The following SAMD11 variants were observed in gnomAD, a reference collection of about 807,000 sequenced individuals.
The protein encoded by SAMD11 is sterile alpha motif domain-containing protein 11.
Under a neutral mutation model 64.4 loss-of-function variants are expected in SAMD11, and 77 were observed. The observed-to-expected ratio is 1.20, with a 90% confidence interval of 0.99 to 1.44. The LOEUF (loss-of-function observed/expected upper bound fraction) is 1.44, where lower values mean the gene tolerates loss of function less well. Among genes scored for constraint, SAMD11 ranks in the 40% most tolerant of loss-of-function variants. The probability of loss-of-function intolerance (pLI) is 0.00; values close to 1 mark genes in which losing one functional copy is unlikely to be tolerated. For synonymous variants in SAMD11, 658 were observed against 421.9 expected, an observed-to-expected ratio of 1.56 and a Z score of -6.86; for missense variants, 1,402 against 943.3, an observed-to-expected ratio of 1.49 and a Z score of -6.37.
Position 942,032 on chromosome 1 carries a change from C to G in SAMD11, c.1359-104C>G, listed in dbSNP as rs1569912468. The G allele has an allele frequency of 1.1e-5, 5 of 438,340 alleles. No individual in the cohort carries two copies. In the East Asian group the frequency reaches 1.8e-4, roughly 16 times the overall value. 27.2% of individuals were successfully genotyped at this position (438,340 alleles called of 1,614,324 possible). On this transcript the variant is annotated intron_variant, in intron 8 of 13. Coordinates refer to ENST00000616016, the MANE Select transcript of SAMD11 (RefSeq NM_001385641.1). The stretch of plus-strand genomic sequence containing the variant: ...GGGCCGTAACGAGCTGCGCATCGAC[C>G]GCCCGCGGGGCCGGCAATTAGCGGA...
At position 943,718 on chromosome 1, in the gene SAMD11, C is replaced by T. The variant is rs757796286; in HGVS notation, c.2199C>T (p.Ile733=). 5.7e-6 allele frequency: 9 copies of T among 1,591,848 alleles called. No individual in the cohort carries two copies. Among genetic ancestry groups the T allele is most frequent in the Admixed American group, 1.7e-5 (1 of 58,678 alleles). Residue 733 remains isoleucine (I), a synonymous_variant, in exon 13 of 14, where the codon ATC becomes ATT. Coordinates refer to ENST00000616016, the MANE Select transcript of SAMD11 (RefSeq NM_001385641.1). ...TCCAGGTCTTCAGGGAGCAGGGGAT[C>T]GACGGGGAGACCCTGCCACTGCTGA... ...EYTRVFREQG[I]DGETLPLLTE...
In SAMD11 at chr1:942,865, A is replaced by C. The variant is rs1641874212; in HGVS notation, c.1860A>C (p.Ala620=). The C allele has an allele frequency of 2.6e-6, 4 of 1,553,502 alleles. No homozygotes were observed. In the South Asian group the frequency reaches 4.7e-5, roughly 18 times the overall value. ...SKEMTGARLW[A]QDGSEDEPPK... ...AGATGACGGGGGCTAGGCTCTGGGC[A>C]CAAGATGGCTCGGAAGACGAGCCCC... The change falls in exon 11 of 14, where the codon GCA becomes GCC. Residue 620 remains alanine, a synonymous_variant. Transcript: ENST00000616016.
intron 5 of SAMD11, among the ~76,000 whole-genome samples, chr1:936,902 C>T (rs1641484826): frequency 6.6e-6 from 1 of 152,304 alleles, no homozygotes; most frequent in East Asian, 1.9e-4. Context: ...AGCAGGCCCT[C>T]CCCTGTGCCT....
In SAMD11 at chr1:940,962, T is replaced by C. The variant is rs1641727269; in HGVS notation, c.1196-182T>C. The C allele has an allele frequency of 5.6e-6, 3 of 533,492 alleles. No individual in the cohort carries two copies. The South Asian group carries it at 7.7e-5, about 14-fold the overall frequency. The allele number at this position is 533,492 out of a possible 1,614,324, so 33.0% of individuals were successfully genotyped here. On this transcript the variant is annotated intron_variant, in intron 7 of 13. Coordinates refer to ENST00000616016, the MANE Select transcript of SAMD11 (RefSeq NM_001385641.1). Reference sequence around the variant, plus strand: ...TCCCGACACTTCCTCGCCCAGCATCTTGTCTGCCGTCTCGGCCCTGTGGCC... The same window carrying C: ...TCCCGACACTTCCTCGCCCAGCATCCTGTCTGCCGTCTCGGCCCTGTGGCC...
intron 3 of SAMD11, 128 bp from the exon 4 acceptor site, chr1:930,911 C>T (rs1263233887): frequency 1.7e-5 from 15 of 887,100 alleles, no homozygotes; most frequent in East Asian, 7.4e-5. Context: ...CAGCCGCCCT[C>T]GTTCACTGCC....
At position 935,756 on chromosome 1, in the gene SAMD11, C is replaced by G. The variant is rs762714178; in HGVS notation, c.843-16C>G. 1 of 1,612,928 alleles carries G rather than the reference C, an allele frequency of 6.2e-7. No individual in the cohort carries two copies. The highest frequency in any genetic ancestry group is 1.1e-5 in the South Asian group (1 of 91,042). ...AGCTGCCCACGGGGTCAGCTTTTCCCGGTCTCGTTCTGCAGCCAGGACGGC... is the reference window on the plus strand; with the variant it reads ...AGCTGCCCACGGGGTCAGCTTTTCCGGGTCTCGTTCTGCAGCCAGGACGGC... On this transcript the variant is annotated splice_polypyrimidine_tract_variant and intron_variant, in intron 4 of 13. Coordinates refer to ENST00000616016, the MANE Select transcript of SAMD11 (RefSeq NM_001385641.1).
At chr1:940,940 C>T (rs1164549744) in intron 7 of SAMD11, 1 of 526,944 alleles carries the variant, frequency 1.9e-6, no homozygotes, top group Non-Finnish European at 3.3e-6. Context: ...GAGCTTTTCC[C>T]GACACTTCCT....
chr1:942,859 C>T lies in SAMD11; in HGVS notation c.1854C>T (p.Leu618=). 8 of 1,553,226 alleles carry T rather than the reference C, an allele frequency of 5.2e-6. No homozygotes were observed. The highest frequency in any genetic ancestry group is 1.2e-5 in the South Asian group (1 of 84,278). The change falls in exon 11 of 14, where the codon CTC becomes CTT. Residue 618 remains leucine, a synonymous_variant. Coordinates refer to ENST00000616016, the MANE Select transcript of SAMD11 (RefSeq NM_001385641.1). ...SESKEMTGAR[L]WAQDGSEDEP... is the part of the protein sequence containing the mutation. ...CCAAGGAGATGACGGGGGCTAGGCT[C>T]TGGGCACAAGATGGCTCGGAAGACG...
In SAMD11 at chr1:944,560, AAAT is replaced by A. The variant is rs1178505466; in HGVS notation, c.*413_*415del. On this transcript the variant is annotated 3_prime_UTR_variant, in exon 14 of 14. Transcript: ENST00000616016. ...CGTTTGGTCTTTCATGCTGAAAAAT[AAAT>A]AATAAAGCCTGTCCCGTGTCTACTG... 1.7e-5 allele frequency: 11 copies of A among 633,886 alleles called. No homozygotes were observed. The highest frequency in any genetic ancestry group is 3.9e-5 in the South Asian group (2 of 50,942). 39.3% of individuals were successfully genotyped at this position (633,886 alleles called of 1,614,324 possible). A position where few individuals can be genotyped will look rare whatever the true frequency, so the allele number is the denominator to read the frequency against.
At chr1:928,794 T>C (rs1641029903) in intron 2 of SAMD11, among the ~76,000 whole-genome samples, 1 of 151,982 alleles carries the variant, frequency 6.6e-6, no homozygotes. Flanking sequence ...TCCACCTGGG[T>C]GGGGGGATGC....
rs182747210 is a variant in SAMD11 at position 928,907 on chromosome 1, C to T, written c.610-1248C>T. 3.7e-3 allele frequency among the ~76,000 whole-genome samples: 556 copies of T among 152,296 alleles called. 2 individuals are homozygous for T. The highest frequency in any genetic ancestry group is 0.013 in the African/African-American group (535 of 41,566). The stretch of plus-strand genomic sequence containing the variant: ...TGGTTCTAGGTCTGAGGAGGACACC[C>T]TCCTAACAGCCTCATCCCCAAGCTC... On this transcript the variant is annotated intron_variant, in intron 2 of 13. Coordinates refer to ENST00000616016, the MANE Select transcript of SAMD11 (RefSeq NM_001385641.1).
chr1:938,287 C>T (rs1178877207), intron 5 of SAMD11, among the ~76,000 whole-genome samples: 1 of 152,190 alleles, frequency 6.6e-6, no homozygotes, highest in Admixed American at 6.5e-5. Flanking sequence ...CTGGACCTGG[C>T]CTGGGCCTCC....
Position 925,983 on chromosome 1 carries a change from C to CT in SAMD11, c.580dup (p.Cys194LeufsTer43), listed in dbSNP as rs1170344122. 6.2e-7 allele frequency: 1 copy of CT among 1,611,996 alleles called. No individual in the cohort carries two copies. Among genetic ancestry groups the CT allele is most frequent in the African/African-American group, 1.3e-5 (1 of 74,944 alleles). Reference sequence around the variant, plus strand: ...TGCAGGTGCATCCTCCGATCTGCGACTGCCCGGGCTGCCGAATATCCTCCC... The same window carrying CT: ...TGCAGGTGCATCCTCCGATCTGCGACTTGCCCGGGCTGCCGAATATCCTCCC... On this transcript the variant is annotated frameshift_variant, in exon 2 of 14. Coordinates refer to ENST00000616016, the MANE Select transcript of SAMD11 (RefSeq NM_001385641.1). LOFTEE classifies it high-confidence loss of function.
rs1309689674 is a variant in SAMD11 at position 942,731 on chromosome 1, C to G, written c.1726C>G (p.Gln576Glu). Reference protein sequence around the residue: ...GAAPLLALPPQGPPGSGPPTP... With the variant: ...GAAPLLALPPEGPPGSGPPTP... ...GGCGCCACTGCTGGCCCTGCCCCCC[C>G]AGGGGCCCCCGGGCTCCGGACCCCC... Residue 576 changes from glutamine (Q) to glutamate (E), a missense_variant, in exon 11 of 14, where the codon CAG (glutamine) becomes GAG (glutamate). Physicochemically the swap from Gln to Glu is conservative, Grantham distance 29 (BLOSUM62 2). Coordinates refer to ENST00000616016, the MANE Select transcript of SAMD11 (RefSeq NM_001385641.1). 8.1e-6 allele frequency: 12 copies of G among 1,472,854 alleles called. No individual in the cohort carries two copies. The highest frequency in any genetic ancestry group is 1.5e-5 in the African/African-American group (1 of 67,568). 91.2% of individuals were successfully genotyped at this position (1,472,854 alleles called of 1,614,324 possible).
In SAMD11 at chr1:942,215, T is replaced by G; in HGVS notation, c.1438T>G (p.Phe480Val). The G allele has an allele frequency of 7.4e-7, 1 of 1,356,276 alleles. No homozygotes were observed. Among genetic ancestry groups the G allele is most frequent in the Non-Finnish European group, 9.6e-7 (1 of 1,046,882 alleles). 84.0% of individuals were successfully genotyped at this position (1,356,276 alleles called of 1,614,324 possible). A position where few individuals can be genotyped will look rare whatever the true frequency, so the allele number is the denominator to read the frequency against. ...VALGPHLRPP[F>V]LGVPSALCQT... ...CCTGGGCCCCCATCTCAGGCCCCCC[T>G]TCCTGGGGGTGCCCTCGGCTCTGTG... Residue 480 changes from phenylalanine to valine, a missense_variant, in exon 9 of 14, where the codon TTC becomes GTC. Transcript: ENST00000616016.
intron 8 of SAMD11, among the ~76,000 whole-genome samples, chr1:941,755 C>CGCCTGAG (rs1487165367): frequency 1.3e-5 from 2 of 152,006 alleles, no homozygotes; most frequent in East Asian, 1.9e-4. Context: ...AGGGAGGGGC[C>CGCCTGAG]GCCTGAGGCC....
chr1:944,254 CA>C lies in SAMD11; in HGVS notation c.*105del, dbSNP rs1297820936. ...GCTTTATTTCTTTCGGTTTCGGATG[CA>C]AAACAAAAAATTTTAAAAGAAAATG... On this transcript the variant is annotated 3_prime_UTR_variant, in exon 14 of 14. Coordinates refer to ENST00000616016, the MANE Select transcript of SAMD11 (RefSeq NM_001385641.1). The C allele has an allele frequency of 1.4e-6, 2 of 1,449,868 alleles. No individual in the cohort carries two copies. Among genetic ancestry groups the C allele is most frequent in the African/African-American group, 2.9e-5 (2 of 69,518 alleles). The allele number at this position is 1,449,868 out of a possible 1,614,324, so 89.8% of individuals were successfully genotyped here.
intron 1 of SAMD11, 120 bp from the exon 2 acceptor site, chr1:925,802 T>C: frequency 1.4e-6 from 1 of 691,162 alleles, no homozygotes; most frequent in Admixed American, 2.1e-5. Context: ...CGGGCCGAGG[T>C]GGGTGTGGGG....
intron 5 of SAMD11, among the ~76,000 whole-genome samples, chr1:938,708 T>A (rs1474942920): frequency 1.3e-5 from 2 of 152,146 alleles, no homozygotes; most frequent in Non-Finnish European, 2.9e-5. Context: ...CAAAAGCTTT[T>A]TATTCTCCTC....
Sources: gnomAD v4.1 joint callset for allele counts (sites outside exome capture counted in the v4.1 genomes callset) on GRCh38, gnomAD v4.1.1 for gene constraint, MANE v1.5 for transcripts, NCBI Gene and HGNC (gene_info 2026-07-23, HGNC 2026-07-21) for gene names.